Variants in ABCC9 observed in about 807,000 individuals in gnomAD.
ABCC9 encodes ATP binding cassette subfamily C member 9, also known as ATP-binding cassette sub-family C member 9.
ABCC9 carries 95 observed loss-of-function variants against 188.3 expected under a neutral mutation model. That is an observed-to-expected ratio of 0.50 (90% CI 0.43 to 0.60). The LOEUF (loss-of-function observed/expected upper bound fraction) is 0.60. Among genes scored for constraint, ABCC9 ranks in the 20% least tolerant of loss-of-function variants. ABCC9 has a pLI of 0.00. For synonymous variants in ABCC9, 659 were observed against 652.7 expected, an observed-to-expected ratio of 1.01 and a Z score of -0.15; for missense variants, 1,102 against 1,876.3, an observed-to-expected ratio of 0.59 and a Z score of 7.62.
intron 36 of ABCC9, 113 bp downstream of exon 36, chr12:21,811,936 T>C: frequency 1.3e-6 from 1 of 759,150 alleles, no homozygotes; most frequent in Non-Finnish European, 2.3e-6. Context: ...TATTTGATTT[T>C]ATTGCCTTGA....
chr12:21,833,144 G>A (rs536672471), intron 30 of ABCC9, among the ~76,000 whole-genome samples: 41 of 152,156 alleles, frequency 2.7e-4, no homozygotes, highest in African/African-American at 9.2e-4. Flanking sequence ...GAGGGGTGAG[G>A]AATAAAAGAC....
At chr12:21,834,786 T>TATACACACACACACACACACAC in intron 30 of ABCC9, among the ~76,000 whole-genome samples, 1 of 141,602 alleles carries the variant, frequency 7.1e-6, no homozygotes, top group South Asian at 2.3e-4. Context: ...TATAACATTA[T>TATACACACACACACACACACAC]ACACACACAC....
chr12:21,933,203 C>T (rs1184336935), intron 4 of ABCC9, among the ~76,000 whole-genome samples: 1 of 151,640 alleles, frequency 6.6e-6, no homozygotes, highest in Non-Finnish European at 1.5e-5. Context: ...AAACAACACA[C>T]ACTGGGGCTT....
At chr12:21,813,107 C>G (rs1942372551) in intron 35 of ABCC9, among the ~76,000 whole-genome samples, 1 of 152,158 alleles carries the variant, frequency 6.6e-6, no homozygotes, top group Non-Finnish European at 1.5e-5. Flanking sequence ...TGTTCCCCAA[C>G]TAGAATACAA....
At chr12:21,821,586 A>T (rs1034341618) in intron 31 of ABCC9, among the ~76,000 whole-genome samples, 2 of 152,132 alleles carry the variant, frequency 1.3e-5, no homozygotes, top group Non-Finnish European at 2.9e-5. Flanking sequence ...TAGGAGTAAT[A>T]TGAATATAAA....
At chr12:21,896,272 T>C (rs1947420414) in intron 12 of ABCC9, among the ~76,000 whole-genome samples, 1 of 152,088 alleles carries the variant, frequency 6.6e-6, no homozygotes, top group Non-Finnish European at 1.5e-5. Flanking sequence ...CTTACCACCG[T>C]ACATAGAACA....
Position 21,844,634 on chromosome 12 carries a change from T to C in ABCC9, c.3246-82A>G, listed in dbSNP as rs1944547112. The stretch of plus-strand genomic sequence containing the variant: ...ATTGCTAATGGGCATCTTAGTGTCA[T>C]GAAAATGAGAAGCTCCCTATTCATT... On this transcript the variant is annotated intron_variant, in intron 27 of 39. Transcript: ENST00000261200. The C allele has an allele frequency of 3.2e-6, 5 of 1,553,916 alleles. No homozygotes were observed. In the South Asian group the frequency reaches 5.6e-5, roughly 17 times the overall value.
chr12:21,837,974 TG>T, intron 30 of ABCC9, 103 bp downstream of exon 30: 2 of 969,120 alleles, frequency 2.1e-6, no homozygotes, highest in Non-Finnish European at 3.3e-6. Context: ...AGGCACACAA[TG>T]GGGAGATCAA....
chr12:21,912,410 A>G (rs960518412), intron 8 of ABCC9, among the ~76,000 whole-genome samples: 1 of 151,992 alleles, frequency 6.6e-6, no homozygotes. Flanking sequence ...ACTTGCCCTG[A>G]ACATTGTGAA....
chr12:21,906,092 A>G (rs1473978123), intron 12 of ABCC9, 34 bp downstream of exon 12: 4 of 1,608,360 alleles, frequency 2.5e-6, no homozygotes, highest in Non-Finnish European at 3.4e-6. Context: ...GGTTGCCCTT[A>G]AAGTCGCCTG....
At position 21,818,876 on chromosome 12, in the gene ABCC9, C is replaced by T. The variant is rs567084135; in HGVS notation, c.3670-625G>A. On this transcript the variant is annotated intron_variant, in intron 31 of 39. Coordinates refer to ENST00000261200, the MANE Select transcript of ABCC9 (RefSeq NM_020297.4). ...GCAAAACCCACAATTACTTTGGCTCCAACCTACTATTTGAACTTTTTGTCA... is the reference window on the plus strand; with the variant it reads ...GCAAAACCCACAATTACTTTGGCTCTAACCTACTATTTGAACTTTTTGTCA... Among the ~76,000 whole-genome samples the T allele has an allele frequency of 5.5e-4, 83 of 152,064 alleles. No individual in the cohort carries two copies. In the South Asian group the frequency reaches 1.0e-2, roughly 18 times the overall value.
At chr12:21,825,903 A>T (rs946213950) in intron 31 of ABCC9, among the ~76,000 whole-genome samples, 1 of 152,156 alleles carries the variant, frequency 6.6e-6, no homozygotes, top group Non-Finnish European at 1.5e-5. Context: ...TTTTCTGTCA[A>T]TAGCAGTGAC....
rs756623851 is a variant in ABCC9, at chr12:21,824,131, T to A, written c.3669+4827A>T. ...AAGAAAAGAAAGCGCTGTATTTTTTTAAAAACATAAACAATTATTTTGAGA... is the reference window on the plus strand; with the variant it reads ...AAGAAAAGAAAGCGCTGTATTTTTTAAAAAACATAAACAATTATTTTGAGA... On this transcript the variant is annotated intron_variant, in intron 31 of 39. Transcript: ENST00000261200. 4.6e-5 allele frequency among the ~76,000 whole-genome samples: 7 copies of A among 152,324 alleles called. No individual in the cohort carries two copies. The East Asian group carries it at 5.8e-4, about 13-fold the overall frequency.
In ABCC9 at chr12:21,913,353, A is replaced by G. The variant is rs149936623; in HGVS notation, c.817-287T>C. ...TATTTTACTTATCAAAGGATGACAC[A>G]GGATTCTTAAAGCCTAATTCATTTT... On this transcript the variant is annotated intron_variant, in intron 7 of 39. Transcript: ENST00000261200. Among the ~76,000 whole-genome samples, 11 of 152,300 alleles carry G rather than the reference A, an allele frequency of 7.2e-5. No homozygotes were observed. In the East Asian group the frequency reaches 2.1e-3, roughly 29 times the overall value.
chr12:21,828,392 A>G (rs1170085834), intron 31 of ABCC9: 1 of 165,218 alleles, frequency 6.1e-6, no homozygotes, highest in East Asian at 1.7e-4. Context: ...CAATGCCCAT[A>G]CAAGGTACAA....
intron 18 of ABCC9, among the ~76,000 whole-genome samples, chr12:21,871,959 CTT>C (rs1166398538): frequency 1.3e-5 from 2 of 152,176 alleles, no homozygotes; most frequent in African/African-American, 2.4e-5. Context: ...ATAATTTACT[CTT>C]TATTAACCAA....
intron 12 of ABCC9, among the ~76,000 whole-genome samples, chr12:21,896,943 A>C (rs1270905963): frequency 6.6e-6 from 1 of 152,204 alleles, no homozygotes; most frequent in Non-Finnish European, 1.5e-5. Flanking sequence ...CCCAGTAATG[A>C]GATTGATGGG....
chr12:21,871,634 T>A (rs1364409142), intron 18 of ABCC9, among the ~76,000 whole-genome samples: 1 of 152,186 alleles, frequency 6.6e-6, no homozygotes, highest in Non-Finnish European at 1.5e-5. Flanking sequence ...CAAAATGATA[T>A]GAAAGAACAT....
intron 2 of ABCC9, 46 bp from the exon 3 acceptor site, chr12:21,936,740 C>A: frequency 7.1e-7 from 1 of 1,403,834 alleles, no homozygotes; most frequent in Non-Finnish European, 1.0e-6. Flanking sequence ...TATTAGTAAA[C>A]TCTTGTTCAT....
Sources: gnomAD v4.1 joint callset for allele counts (sites outside exome capture counted in the v4.1 genomes callset) on GRCh38, gnomAD v4.1.1 for gene constraint, MANE v1.5 for transcripts, NCBI Gene and HGNC (gene_info 2026-07-23, HGNC 2026-07-21) for gene names.